Variants in SUPT20H observed in about 807,000 individuals in gnomAD.
SUPT20H encodes the protein SPT20 homolog, SAGA complex component, also known as transcription factor SPT20 homolog.
SUPT20H carries 82 observed loss-of-function variants against 122.8 expected under a neutral mutation model. The observed-to-expected ratio is 0.67, with a 90% CI of 0.56 to 0.80. The LOEUF (loss-of-function observed/expected upper bound fraction) is 0.80. Ranked by LOEUF, SUPT20H falls within the 30% of genes least tolerant of loss-of-function variation. The probability of loss-of-function intolerance (pLI) is 0.00; values close to 1 mark genes in which losing one functional copy is unlikely to be tolerated. For missense variants in SUPT20H, 831 were observed against 921.6 expected (o/e 0.90, Z 1.27); for synonymous variants, 291 against 313.0 (o/e 0.93, Z 0.74).
intron 1 of SUPT20H, chr13:37,059,229 G>A (rs575505599): frequency 1.3e-5 from 2 of 152,348 alleles, no homozygotes; most frequent in South Asian, 4.1e-4. Context: ...GGAGCGACAA[G>A]CCTTTATGCA....
chr13:37,050,610 T>C (rs933641473), intron 2 of SUPT20H, among the ~76,000 whole-genome samples: 1 of 152,190 alleles, frequency 6.6e-6, no homozygotes, highest in Non-Finnish European at 1.5e-5. Flanking sequence ...TCATCTCAAG[T>C]AAATATTTCA....
chr13:37,049,353 CGAG>C (rs749783798), intron 2 of SUPT20H, among the ~76,000 whole-genome samples: 58 of 152,012 alleles, frequency 3.8e-4, no homozygotes, highest in Non-Finnish European at 6.3e-4. Context: ...TTTTTAGAGA[CGAG>C]GAAAAAACAT....
rs372722958 is a variant in SUPT20H at position 37,053,540 on chromosome 13, G to C, written c.-93-1957C>G. ...GCCTGTTGGGGGGTTGGGGGAAAGG[G>C]GATGGAGAGCATTAGGACAAATACC... On this transcript the variant is annotated intron_variant, in intron 1 of 25. Coordinates refer to ENST00000350612, the MANE Select transcript of SUPT20H (RefSeq NM_001014286.3). 2.4e-3 allele frequency among the ~76,000 whole-genome samples: 368 copies of C among 152,080 alleles called. 3 individuals carry two copies. Among genetic ancestry groups the C allele is most frequent in the African/African-American group, 8.4e-3 (348 of 41,484 alleles).
At chr13:37,057,114 C>T (rs757488623) in intron 1 of SUPT20H, 8 of 151,876 alleles carry the variant, frequency 5.3e-5, no homozygotes, top group Non-Finnish European at 8.8e-5. Context: ...GCCTGGGCAA[C>T]ATAGTGAGAC....
chr13:37,058,026 G>A (rs1173000115), intron 1 of SUPT20H, among the ~76,000 whole-genome samples: 1 of 149,352 alleles, frequency 6.7e-6, no homozygotes, highest in Non-Finnish European at 1.5e-5. Flanking sequence ...GCCTGTAAGA[G>A]GCAGAAGCGG....
chr13:37,019,285 T>A, intron 22 of SUPT20H, 57 bp downstream of exon 22: 1 of 1,349,502 alleles, frequency 7.4e-7, no homozygotes, highest in Admixed American at 2.1e-5. Flanking sequence ...ATATACATTG[T>A]TTAGAAAAAA....
At chr13:37,055,410 A>T (rs1192028206) in intron 1 of SUPT20H, among the ~76,000 whole-genome samples, 1 of 152,212 alleles carries the variant, frequency 6.6e-6, no homozygotes, top group Non-Finnish European at 1.5e-5. Context: ...TACTTGTACC[A>T]AAACAGAGAT....
intron 13 of SUPT20H, among the ~76,000 whole-genome samples, chr13:37,029,416 C>A (rs765543005): frequency 1.4e-4 from 22 of 152,110 alleles, no homozygotes; most frequent in Non-Finnish European, 3.1e-4. Context: ...GTAATCCTAG[C>A]TACTCAGGAG....
chr13:37,015,294 A>G (rs2060252784), intron 23 of SUPT20H, among the ~76,000 whole-genome samples: 1 of 151,850 alleles, frequency 6.6e-6, no homozygotes, highest in South Asian at 2.1e-4. Context: ...AACTCCTACA[A>G]TTCAACAACA....
intron 17 of SUPT20H, 49 bp downstream of exon 17, chr13:37,025,271 T>C: frequency 7.0e-7 from 1 of 1,420,584 alleles, no homozygotes. Context: ...ATTTCTCAGA[T>C]TACTTGTGAA....
At chr13:37,031,682 G>T in intron 11 of SUPT20H, 57 bp downstream of exon 11, 1 of 1,540,440 alleles carries the variant, frequency 6.5e-7, no homozygotes, top group Non-Finnish European at 8.7e-7. Flanking sequence ...TACTGAAAAT[G>T]CTAAATAAGA....
At chr13:37,012,767 A>G (rs938313470) in intron 23 of SUPT20H, 2 of 152,480 alleles carry the variant, frequency 1.3e-5, no homozygotes, top group Non-Finnish European at 2.9e-5. Flanking sequence ...TCCTAGAAGT[A>G]GTAAGTCCAG....
intron 14 of SUPT20H, among the ~76,000 whole-genome samples, chr13:37,027,670 T>C (rs1470900248): frequency 1.3e-5 from 2 of 152,160 alleles, no homozygotes; most frequent in African/African-American, 2.4e-5. Context: ...CAAATATATG[T>C]AGTTCATACA....
chr13:37,012,128 T>G, intron 24 of SUPT20H, 64 bp downstream of exon 24: 2 of 1,288,972 alleles, frequency 1.6e-6, no homozygotes, highest in Non-Finnish European at 2.2e-6. Flanking sequence ...ATTTAAGCGG[T>G]GAGATCCCAA....
intron 1 of SUPT20H, among the ~76,000 whole-genome samples, chr13:37,055,068 A>AAGG (rs2068624704): frequency 6.6e-6 from 1 of 152,210 alleles, no homozygotes; most frequent in Non-Finnish European, 1.5e-5. Context: ...AAGGGATGTG[A>AAGG]AGGACCTCTT....
At chr13:37,053,527 G>T (rs555933038) in intron 1 of SUPT20H, among the ~76,000 whole-genome samples, 19 of 150,716 alleles carry the variant, frequency 1.3e-4, no homozygotes, top group African/African-American at 4.4e-4. Flanking sequence ...CTGTTGGGGG[G>T]TTGGGGGAAA....
At position 37,037,526 on chromosome 13, in the gene SUPT20H, C is replaced by G. The variant is rs569014685; in HGVS notation, c.567+2879G>C. Among the ~76,000 whole-genome samples the G allele has an allele frequency of 3.9e-5, 6 of 152,316 alleles. No homozygotes were observed. In the South Asian group the frequency reaches 1.2e-3, roughly 32 times the overall value. On this transcript the variant is annotated intron_variant, in intron 9 of 25. Transcript: ENST00000350612. ...AGTGGCTACTCATTAATTCAAGAAA[C>G]TATCTGAGCACCTATGATGTGTTAG...
intron 23 of SUPT20H, 134 bp downstream of exon 23, chr13:37,017,111 T>C: frequency 8.1e-7 from 1 of 1,238,992 alleles, no homozygotes; most frequent in Non-Finnish European, 1.2e-6. Flanking sequence ...ACCCAATAGC[T>C]GATTGCTACT....
chr13:37,038,642 C>T (rs2064932654), intron 9 of SUPT20H: 1 of 152,208 alleles, frequency 6.6e-6, no homozygotes. Flanking sequence ...TTATTCCTCA[C>T]TATAGTCAGG....
Sources: gnomAD v4.1 joint callset for allele counts (sites outside exome capture counted in the v4.1 genomes callset) on GRCh38, gnomAD v4.1.1 for gene constraint, MANE v1.5 for transcripts, NCBI Gene and HGNC (gene_info 2026-07-23, HGNC 2026-07-21) for gene names.